Variants in PSMB7 observed in about 807,000 individuals in gnomAD.
PSMB7 encodes proteasome 20S subunit beta 7.
PSMB7 carries 5 observed loss-of-function variants against 28.1 expected under a neutral mutation model. That is an observed-to-expected ratio of 0.18 (90% CI 0.09 to 0.37). The LOEUF is 0.37. PSMB7 is among the 10% of genes least tolerant of loss of function. The pLI is 1.00. For missense variants in PSMB7, 275 were observed against 346.2 expected, an observed-to-expected ratio of 0.79 and a Z score of 1.63; for synonymous variants, 122 against 123.7, an observed-to-expected ratio of 0.99 and a Z score of 0.09.
intron 5 of PSMB7, among the ~76,000 whole-genome samples, chr9:124,387,997 C>T (rs1830743755): frequency 6.6e-6 from 1 of 152,120 alleles, no homozygotes; most frequent in African/African-American, 2.4e-5. Flanking sequence ...CAATAAATCA[C>T]CAGTCAAATG....
At chr9:124,390,049 A>G (rs1390471877) in intron 5 of PSMB7, among the ~76,000 whole-genome samples, 1 of 152,246 alleles carries the variant, frequency 6.6e-6, no homozygotes, top group Non-Finnish European at 1.5e-5. Context: ...AGACTCCAAG[A>G]GAGAAGACAG....
At chr9:124,408,864 T>G (rs1830995205) in intron 4 of PSMB7, among the ~76,000 whole-genome samples, 2 of 152,350 alleles carry the variant, frequency 1.3e-5, no homozygotes, top group South Asian at 4.1e-4. Context: ...AGTGTCTACG[T>G]TTTTTACAAT....
At chr9:124,374,558 C>T (rs1329031781) in intron 6 of PSMB7, among the ~76,000 whole-genome samples, 10 of 152,204 alleles carry the variant, frequency 6.6e-5, no homozygotes, top group African/African-American at 2.2e-4. Flanking sequence ...AGTACCATGG[C>T]TTGTGCCTGT....
chr9:124,374,250 G>A (rs1481729179), intron 6 of PSMB7, among the ~76,000 whole-genome samples: 3 of 152,182 alleles, frequency 2.0e-5, no homozygotes, highest in Non-Finnish European at 4.4e-5. Context: ...AATGGGGAGT[G>A]ATGGCCAATA....
At chr9:124,414,043 A>G (rs1831058993) in intron 2 of PSMB7, 38 bp from the exon 3 acceptor site, 1 of 1,351,290 alleles carries the variant, frequency 7.4e-7, no homozygotes, top group African/African-American at 1.4e-5. Context: ...TTTTACAAAT[A>G]TAAGCCAACC....
Position 124,412,401 on chromosome 9 carries a change from G to A in PSMB7, c.346C>T (p.Leu116Phe), listed in dbSNP as rs773129597. ...CGATTGGCTGTCACAACTCTGGGAA[G>A]ACGGCCAGTGGAGAGGGAGTGGAGC... Reference protein sequence around the residue: ...LELHSLSTGRLPRVVTANRML... With the variant: ...LELHSLSTGRFPRVVTANRML... The change falls in exon 4 of 8, where the codon CTT (leucine) becomes TTT (phenylalanine). Residue 116 changes from leucine (L) to phenylalanine (F), a missense_variant. Around this residue, in one of 2 missense-constraint regions of PSMB7, gnomAD observed 213 missense variants for 302.4 expected, o/e 0.70. Coordinates refer to ENST00000259457, the MANE Select transcript of PSMB7 (RefSeq NM_002799.4). 1.9e-6 allele frequency: 3 copies of A among 1,614,196 alleles called. No individual in the cohort carries two copies. The Admixed American group carries it at 5.0e-5, about 27-fold the overall frequency.
intron 5 of PSMB7, among the ~76,000 whole-genome samples, chr9:124,397,522 C>T (rs1417246301): frequency 1.3e-5 from 2 of 152,136 alleles, no homozygotes; most frequent in South Asian, 2.1e-4. Context: ...AGCCTTCAGG[C>T]GCCTGGCTAG....
intron 6 of PSMB7, among the ~76,000 whole-genome samples, chr9:124,368,046 AT>A (rs1371134539): frequency 6.6e-6 from 1 of 152,266 alleles, no homozygotes; most frequent in African/African-American, 2.4e-5. Flanking sequence ...CACATCTTCC[AT>A]GTAGAATTAC....
chr9:124,358,323 C>G (rs1477848108), intron 6 of PSMB7, among the ~76,000 whole-genome samples: 1 of 152,222 alleles, frequency 6.6e-6, no homozygotes, highest in Admixed American at 6.5e-5. Flanking sequence ...AGAGAAGGTT[C>G]TGCTGGAAGT....
chr9:124,405,032 A>G (rs1275972160), intron 5 of PSMB7, among the ~76,000 whole-genome samples: 1 of 152,088 alleles, frequency 6.6e-6, no homozygotes, highest in Non-Finnish European at 1.5e-5. Context: ...AATTTAGAAT[A>G]CCTGTGTATT....
intron 6 of PSMB7, among the ~76,000 whole-genome samples, chr9:124,357,870 G>A (rs1169835795): frequency 6.6e-6 from 1 of 152,188 alleles, no homozygotes; most frequent in Non-Finnish European, 1.5e-5. Context: ...TGGGAACACA[G>A]CTGGTCAGCA....
chr9:124,366,489 C>T (rs538675530), intron 6 of PSMB7, among the ~76,000 whole-genome samples: 1 of 152,236 alleles, frequency 6.6e-6, no homozygotes, highest in African/African-American at 2.4e-5. Flanking sequence ...TTAAGTTAAG[C>T]GTTATAAGGG....
Position 124,356,904 on chromosome 9 carries a change from G to A in PSMB7, c.582C>T (p.Ala194=), listed in dbSNP as rs1830413743. 6.2e-7 allele frequency: 1 copy of A among 1,614,152 alleles called. No homozygotes were observed. The highest frequency in any genetic ancestry group is 8.5e-7 in the Non-Finnish European group (1 of 1,180,032). The stretch of plus-strand genomic sequence containing the variant: ...CGATGGCTTCGCTCACCAGATTCTT[G>A]GCTTCCTCCTCCTGAGAAACAGAAC... ...KFRPDMEEEE[A]KNLVSEAIAA... is the part of the protein sequence containing the mutation. The change falls in exon 7 of 8, where the codon GCC becomes GCT. Residue 194 remains alanine (A), a synonymous_variant. Transcript: ENST00000259457. This position sits in a 1 kb window ranked among gnomAD's most constrained non-coding sequence, Gnocchi z 4.4.
rs568099956 is a variant in PSMB7, at chr9:124,389,682, C to T, written c.512-5026G>A. Among the ~76,000 whole-genome samples the T allele has an allele frequency of 2.6e-5, 4 of 152,294 alleles. No individual in the cohort carries two copies. The South Asian group carries it at 8.3e-4, about 32-fold the overall frequency. On this transcript the variant is annotated intron_variant, in intron 5 of 7. Coordinates refer to ENST00000259457, the MANE Select transcript of PSMB7 (RefSeq NM_002799.4). ...TCCCCCATCCACTGCAGACACTCCA[C>T]AGCTGCTCCAGCTAGGTCCTCATTC...
At chr9:124,363,680 T>C (rs560339256) in intron 6 of PSMB7, among the ~76,000 whole-genome samples, 1 of 152,278 alleles carries the variant, frequency 6.6e-6, no homozygotes, top group East Asian at 1.9e-4. Context: ...CTAGCTGGTG[T>C]TGCCATTTCT....
At chr9:124,402,416 T>C (rs893176427) in intron 5 of PSMB7, among the ~76,000 whole-genome samples, 6 of 152,260 alleles carry the variant, frequency 3.9e-5, no homozygotes, top group African/African-American at 1.4e-4. Context: ...TTTCCCATTT[T>C]ACAAATGAAG....
chr9:124,390,292 G>C (rs543816302), intron 5 of PSMB7, among the ~76,000 whole-genome samples: 5 of 152,254 alleles, frequency 3.3e-5, no homozygotes, highest in African/African-American at 1.2e-4. Flanking sequence ...TAGAAACATC[G>C]ATTGGAAATC....
At chr9:124,413,215 T>C (rs1831048726) in intron 3 of PSMB7, among the ~76,000 whole-genome samples, 1 of 143,174 alleles carries the variant, frequency 7.0e-6, no homozygotes, top group Non-Finnish European at 1.5e-5. Context: ...AGGTTATATA[T>C]GAGCTGGAAT....
rs781732208 is a variant in PSMB7, at chr9:124,384,667, A to G, written c.512-11T>C. 1.9e-6 allele frequency: 3 copies of G among 1,613,328 alleles called. No homozygotes were observed. The East Asian group carries it at 6.7e-5, about 36-fold the overall frequency. ...CCAAGGAGCCAGAACCTGCAAGAAA[A>G]AGGTGCACTTTTAGTGTATTTTATG... On this transcript the variant is annotated splice_polypyrimidine_tract_variant and intron_variant, in intron 5 of 7. Coordinates refer to ENST00000259457, the MANE Select transcript of PSMB7 (RefSeq NM_002799.4).
Sources: allele counts gnomAD v4.1 joint callset (sites outside exome capture counted in the v4.1 genomes callset), GRCh38; gene constraint gnomAD v4.1.1; regional missense constraint gnomAD v4.1.1; non-coding constraint Gnocchi (gnomAD v3.1); transcripts MANE v1.5; gene names NCBI Gene and HGNC (gene_info 2026-07-23, HGNC 2026-07-21).